UVSSA: variants seen among roughly 807,000 people sequenced by gnomAD.
UVSSA encodes the protein UV stimulated scaffold protein A.
A neutral mutation model predicts 73.9 loss-of-function variants in UVSSA; 72 were observed. The observed-to-expected ratio is 0.97, with a 90% CI of 0.81 to 1.19. The LOEUF (loss-of-function observed/expected upper bound fraction) is 1.19. UVSSA is among the 50% of genes most tolerant of loss of function. The pLI is 0.00. For synonymous variants in UVSSA, 454 were observed against 391.3 expected (o/e 1.16, Z -1.89); for missense variants, 1,150 against 965.0 (o/e 1.19, Z -2.54).
upstream of UVSSA, among the ~76,000 whole-genome samples, chr4:1,346,576 C>T (rs1427208269): frequency 4.6e-5 from 7 of 152,262 alleles, no homozygotes; most frequent in East Asian, 1.9e-4. Context: ...CGAGGTGGGC[C>T]CCGAAGACCC....
At chr4:1,367,115 C>T (rs1383335175) in intron 8 of UVSSA, among the ~76,000 whole-genome samples, 3 of 152,200 alleles carry the variant, frequency 2.0e-5, no homozygotes, top group Admixed American at 6.5e-5. Flanking sequence ...GCTGTGCACT[C>T]CACGGCAAGG....
At chr4:1,371,074 A>T (rs1346594735) in intron 8 of UVSSA, among the ~76,000 whole-genome samples, 1 of 152,122 alleles carries the variant, frequency 6.6e-6, no homozygotes, top group African/African-American at 2.4e-5. Flanking sequence ...TGGTAAGTGG[A>T]GGCACTGTGG....
At chr4:1,362,954 G>A (rs1415441050) in intron 7 of UVSSA, among the ~76,000 whole-genome samples, 1 of 152,230 alleles carries the variant, frequency 6.6e-6, no homozygotes, top group East Asian at 1.9e-4. Flanking sequence ...GGCGTTCAGT[G>A]TGCCCAGCAG....
exon 14 of UVSSA, chr4:1,393,967 G>A (rs971819833): frequency 9.6e-5 from 19 of 197,358 alleles, no homozygotes; most frequent in African/African-American, 4.2e-4. Context: ...TAACTCTCAC[G>A]GTTCTGCCGA....
intron 8 of UVSSA, among the ~76,000 whole-genome samples, chr4:1,374,350 A>G (rs1424194442): frequency 6.6e-6 from 1 of 152,152 alleles, no homozygotes; most frequent in Non-Finnish European, 1.5e-5. Flanking sequence ...CTTAGCCGCT[A>G]GGGAGTATAG....
Position 1,355,255 on chromosome 4 carries a change from C to T in UVSSA, c.1176+10C>T, listed in dbSNP as rs1211004736. The T allele has an allele frequency of 1.2e-6, 2 of 1,602,080 alleles. No individual in the cohort carries two copies. Among genetic ancestry groups the T allele is most frequent in the Non-Finnish European group, 1.7e-6 (2 of 1,174,488 alleles). ...AGGGGAAAGGCGCAGGGTGAGTGGG[C>T]AGGCGGCGAGCGGGAAGGGGTCCCA... On this transcript the variant is annotated intron_variant, in intron 7 of 13. Coordinates refer to ENST00000389851, the MANE Select transcript of UVSSA (RefSeq NM_020894.4).
At chr4:1,342,972 T>C (rs1210189122), upstream of UVSSA, among the ~76,000 whole-genome samples, 6 of 152,186 alleles carry the variant, frequency 3.9e-5, 1 homozygote, top group South Asian at 1.0e-3. Flanking sequence ...CCTAGGTCTG[T>C]TGCATTTCCA....
At chr4:1,376,930 C>T (rs1718846197) in intron 10 of UVSSA, among the ~76,000 whole-genome samples, 1 of 152,190 alleles carries the variant, frequency 6.6e-6, no homozygotes, top group South Asian at 2.1e-4. Context: ...AGAGGTGGGT[C>T]CCCCTGGCCT....
chr4:1,368,542 G>A (rs1577341384), intron 8 of UVSSA, among the ~76,000 whole-genome samples: 1 of 152,234 alleles, frequency 6.6e-6, no homozygotes, highest in Admixed American at 6.5e-5. Context: ...TGAAGCCCAG[G>A]GGTCCTGAGC....
At chr4:1,348,480 G>A (rs569305186) in intron 2 of UVSSA, among the ~76,000 whole-genome samples, 1 of 152,398 alleles carries the variant, frequency 6.6e-6, no homozygotes, top group South Asian at 2.1e-4. Flanking sequence ...GATTCAGAGA[G>A]AAACGTGCAT....
At chr4:1,377,133 G>GC in intron 10 of UVSSA, among the ~76,000 whole-genome samples, 1 of 152,168 alleles carries the variant, frequency 6.6e-6, no homozygotes, top group East Asian at 1.9e-4. Context: ...CCTCCAGAGA[G>GC]CGGGGGGGCA....
chr4:1,366,212 G>C (rs1345100137), intron 7 of UVSSA, 108 bp from the exon 8 acceptor site: 1 of 857,016 alleles, frequency 1.2e-6, no homozygotes, highest in Admixed American at 2.4e-5. Flanking sequence ...GCCCTAAGCA[G>C]GGGAAAAAGC....
intron 10 of UVSSA, among the ~76,000 whole-genome samples, chr4:1,379,558 G>A (rs963633610): frequency 6.6e-6 from 1 of 152,216 alleles, no homozygotes; most frequent in South Asian, 2.1e-4. Flanking sequence ...TGCTGCCAAG[G>A]GCTGAACGGC....
At chr4:1,357,524 T>C (rs957677843) in intron 7 of UVSSA, among the ~76,000 whole-genome samples, 2 of 152,244 alleles carry the variant, frequency 1.3e-5, no homozygotes. Context: ...CAGCTCGGCC[T>C]GCTTGGGTGA....
chr4:1,376,085 G>T lies in UVSSA; in HGVS notation c.1485G>T (p.Glu495Asp). The stretch of plus-strand genomic sequence containing the variant: ...AGGAGGCCCAGAAGCTGGCAGCAGA[G>T]CGGGCCCGGGCGCCTGTGGTGCCCT... ...EPQEAQKLAA[E>D]RARAPVVPYG... is the part of the protein sequence containing the mutation. Residue 495 changes from glutamate to aspartate, a missense_variant, in exon 10 of 14, where the codon GAG (glutamate) becomes GAT (aspartate). Coordinates refer to ENST00000389851, the MANE Select transcript of UVSSA (RefSeq NM_020894.4). 1 of 1,602,082 alleles carries T rather than the reference G, an allele frequency of 6.2e-7. No homozygotes were observed. The highest frequency in any genetic ancestry group is 1.7e-5 in the Admixed American group (1 of 58,752).
upstream of UVSSA, among the ~76,000 whole-genome samples, chr4:1,344,651 T>C (rs576418176): frequency 4.4e-4 from 67 of 152,344 alleles, no homozygotes; most frequent in Non-Finnish European, 7.3e-4. Context: ...CTGCTTTTTG[T>C]CTGGCTTCAT....
At chr4:1,374,180 GC>G (rs546918149) in intron 8 of UVSSA, among the ~76,000 whole-genome samples, 6 of 152,198 alleles carry the variant, frequency 3.9e-5, no homozygotes, top group South Asian at 2.1e-4. Flanking sequence ...GGGGTCCTGA[GC>G]CCCCCTGGCC....
At chr4:1,360,965 C>T (rs1370962560) in intron 7 of UVSSA, among the ~76,000 whole-genome samples, 1 of 152,226 alleles carries the variant, frequency 6.6e-6, no homozygotes, top group African/African-American at 2.4e-5. Flanking sequence ...CTATGTGGGA[C>T]CCAGGGGCAA....
chr4:1,347,915 C>T, intron 1 of UVSSA, 155 bp downstream of exon 1: 1 of 616,236 alleles, frequency 1.6e-6, no homozygotes, highest in Non-Finnish European at 2.9e-6. Context: ...CAATCACCGC[C>T]GTAAAGGCCT....
Sources: gnomAD v4.1 joint callset for allele counts (sites outside exome capture counted in the v4.1 genomes callset) on GRCh38, gnomAD v4.1.1 for gene constraint, MANE v1.5 for transcripts, NCBI Gene and HGNC (gene_info 2026-07-23, HGNC 2026-07-21) for gene names.